CHODL: variants seen among roughly 807,000 people sequenced by gnomAD.
CHODL encodes transmembrane protein MT75.
A neutral mutation model predicts 34.5 loss-of-function variants in CHODL; 29 were observed. The ratio of observed to expected loss-of-function variants is 0.84; its 90% CI spans 0.63 to 1.15. The LOEUF is 1.15. CHODL is among the 50% of genes most tolerant of loss of function. The pLI is 0.00. For missense variants in CHODL, 332 were observed against 332.5 expected (o/e 1.00, Z 0.01); for synonymous variants, 125 against 116.1 (o/e 1.08, Z -0.49).
At chr21:18,236,573 A>C (rs1027311660) in intron 2 of CHODL, among the ~76,000 whole-genome samples, 1 of 151,932 alleles carries the variant, frequency 6.6e-6, no homozygotes, top group Non-Finnish European at 1.5e-5. Context: ...TGGCCACTTG[A>C]CTCCAGTATT....
At chr21:18,189,135 T>C (rs2073480394) in intron 2 of CHODL, among the ~76,000 whole-genome samples, 1 of 152,198 alleles carries the variant, frequency 6.6e-6, no homozygotes, top group African/African-American at 2.4e-5. Context: ...TCTCTCTCTC[T>C]TTTTTGTTTA....
intron 2 of CHODL, among the ~76,000 whole-genome samples, chr21:18,033,851 C>T (rs994636253): frequency 2.0e-5 from 3 of 151,900 alleles, no homozygotes; most frequent in Non-Finnish European, 4.4e-5. Context: ...ACTTCAGAGA[C>T]CTCTCATTTA....
intron 1 of CHODL, among the ~76,000 whole-genome samples, chr21:17,988,332 C>T (rs2063769742): frequency 6.6e-6 from 1 of 151,260 alleles, no homozygotes; most frequent in Non-Finnish European, 1.5e-5. Context: ...TACCTGGACA[C>T]AGCTAACTGG....
intron 1 of CHODL, among the ~76,000 whole-genome samples, chr21:17,953,774 G>A (rs1229435893): frequency 6.6e-6 from 1 of 152,154 alleles, no homozygotes; most frequent in South Asian, 2.1e-4. Context: ...CACTTTGGGA[G>A]CCTGAGGTGA....
At chr21:17,967,043 C>G (rs1034369366) in intron 1 of CHODL, among the ~76,000 whole-genome samples, 23 of 151,948 alleles carry the variant, frequency 1.5e-4, no homozygotes, top group African/African-American at 5.6e-4. Flanking sequence ...CACCACCATG[C>G]CTGGCTAATT....
chr21:18,114,986 G>A (rs1313786827), intron 2 of CHODL: 1 of 152,240 alleles, frequency 6.6e-6, no homozygotes, highest in African/African-American at 2.4e-5. Context: ...ACTTAACCCA[G>A]CCTAAACTGC....
At chr21:17,970,238 C>A (rs1219691804) in intron 1 of CHODL, among the ~76,000 whole-genome samples, 1 of 151,996 alleles carries the variant, frequency 6.6e-6, no homozygotes, top group Non-Finnish European at 1.5e-5. Context: ...GGTAGTAAGC[C>A]CTTTGACCAC....
chr21:18,049,241 A>C (rs983773829), intron 2 of CHODL, among the ~76,000 whole-genome samples: 3 of 151,970 alleles, frequency 2.0e-5, no homozygotes, highest in African/African-American at 7.2e-5. Flanking sequence ...ATTAGCCAAA[A>C]TTGTGACTTA....
At position 18,026,098 on chromosome 21, in the gene CHODL, T is replaced by C. The variant is rs555815034; in HGVS notation, c.-144-1774T>C. ...AGGATTTTTGTCTATTTTGATATAC[T>C]AAGCACCTATATCAGTTCCTGGGAC... On this transcript the variant is annotated intron_variant, in intron 1 of 6. Transcript: ENST00000400127. Among the ~76,000 whole-genome samples, 72 of 152,324 alleles carry C rather than the reference T, an allele frequency of 4.7e-4. 1 individual carries two copies. The highest frequency in any genetic ancestry group is 7.9e-4 in the Non-Finnish European group (54 of 68,020).
chr21:18,127,430 T>A (rs2065560150), intron 2 of CHODL, among the ~76,000 whole-genome samples: 1 of 152,180 alleles, frequency 6.6e-6, no homozygotes, highest in African/African-American at 2.4e-5. Context: ...CTGGATCCAT[T>A]GGTCATGTCA....
At chr21:18,096,500 G>A (rs1001788113) in intron 2 of CHODL, among the ~76,000 whole-genome samples, 12 of 152,116 alleles carry the variant, frequency 7.9e-5, no homozygotes, top group African/African-American at 2.9e-4. Flanking sequence ...CCCAGGGGAG[G>A]TCTATAAATG....
At chr21:18,093,985 C>T (rs1212057864) in intron 2 of CHODL, among the ~76,000 whole-genome samples, 1 of 152,072 alleles carries the variant, frequency 6.6e-6, no homozygotes, top group Non-Finnish European at 1.5e-5. Context: ...AAACACACTT[C>T]ACCTATAAAG....
intron 1 of CHODL, among the ~76,000 whole-genome samples, chr21:17,984,165 C>T (rs370698115): frequency 5.9e-5 from 9 of 152,126 alleles, no homozygotes; most frequent in African/African-American, 1.7e-4. Context: ...GTTATCCTTC[C>T]GTGACTGGCT....
chr21:17,919,038 C>T (rs945756766), intron 1 of CHODL, among the ~76,000 whole-genome samples: 4 of 152,248 alleles, frequency 2.6e-5, no homozygotes, highest in African/African-American at 7.2e-5. Flanking sequence ...CTCCCATCCC[C>T]TTGGGCAGCT....
intron 2 of CHODL, among the ~76,000 whole-genome samples, chr21:18,145,116 A>C (rs1288863283): frequency 6.6e-6 from 1 of 150,928 alleles, no homozygotes; most frequent in East Asian, 2.0e-4. Flanking sequence ...AGTAAAGCAG[A>C]ACACTTCAAC....
chr21:18,144,079 A>C (rs2072835286), intron 2 of CHODL, among the ~76,000 whole-genome samples: 1 of 152,060 alleles, frequency 6.6e-6, no homozygotes, highest in African/African-American at 2.4e-5. Flanking sequence ...AATTAGTAGG[A>C]TTTCTTGTAT....
intron 2 of CHODL, among the ~76,000 whole-genome samples, chr21:18,078,500 G>T (rs1199129662): frequency 6.6e-6 from 1 of 152,038 alleles, no homozygotes; most frequent in Non-Finnish European, 1.5e-5. Flanking sequence ...CATGTCAAAT[G>T]GTTTAGAATA....
At chr21:18,178,212 A>G (rs1346525206) in intron 2 of CHODL, among the ~76,000 whole-genome samples, 1 of 152,182 alleles carries the variant, frequency 6.6e-6, no homozygotes, top group African/African-American at 2.4e-5. Flanking sequence ...AATTATTTTC[A>G]TGAGGCTGTT....
rs563337639 is a variant in CHODL at position 18,009,280 on chromosome 21, T to A, written c.-144-18592T>A. Among the ~76,000 whole-genome samples, 20 of 152,346 alleles carry A rather than the reference T, an allele frequency of 1.3e-4. No homozygotes were observed. The East Asian group carries it at 3.9e-3, about 29-fold the overall frequency. On this transcript the variant is annotated intron_variant, in intron 1 of 6. Coordinates refer to the CHODL transcript ENST00000400127. The stretch of plus-strand genomic sequence containing the variant: ...GTATTATATGTGTGGTGATTGTTAC[T>A]CTAATCACCTTAATTTTGAATTAGT...
Sources: allele counts gnomAD v4.1 joint callset (sites outside exome capture counted in the v4.1 genomes callset), GRCh38; gene constraint gnomAD v4.1.1; transcripts MANE v1.5; gene names NCBI Gene and HGNC (gene_info 2026-07-23, HGNC 2026-07-21).